HS3ST2: variants seen among roughly 807,000 people sequenced by gnomAD.
The protein encoded by HS3ST2 is heparan sulfate glucosamine 3-O-sulfotransferase 2.
Under a neutral mutation model 26.3 loss-of-function variants are expected in HS3ST2, and 17 were observed. The observed-to-expected ratio is 0.65, with a 90% CI of 0.44 to 0.97. HS3ST2 has a LOEUF of 0.97. Ranked by LOEUF, HS3ST2 falls within the 50% of genes least tolerant of loss-of-function variation. The pLI is 0.00. For synonymous variants in HS3ST2, 237 were observed against 219.2 expected, an observed-to-expected ratio of 1.08 and a Z score of -0.72; for missense variants, 402 against 501.2, an observed-to-expected ratio of 0.80 and a Z score of 1.89.
chr16:22,822,875 G>C (rs117420763), intron 1 of HS3ST2, among the ~76,000 whole-genome samples: 2 of 150,538 alleles, frequency 1.3e-5, no homozygotes, highest in African/African-American at 4.9e-5. Flanking sequence ...AAAAAAGAAA[G>C]AAAGAAAAAA....
intron 1 of HS3ST2, among the ~76,000 whole-genome samples, chr16:22,870,583 T>C (rs1194392276): frequency 6.6e-6 from 1 of 152,206 alleles, no homozygotes; most frequent in Non-Finnish European, 1.5e-5. Context: ...CCTCCCCTGC[T>C]ACTCTCTTTT....
intron 1 of HS3ST2, among the ~76,000 whole-genome samples, chr16:22,913,160 G>A (rs28516623): frequency 0.027 from 1,820 of 68,256 alleles, 50 homozygotes; most frequent in African/African-American, 0.072. Context: ...GGGAGGGAGG[G>A]AGGGAGGGAG....
At chr16:22,828,161 G>T (rs542280897) in intron 1 of HS3ST2, among the ~76,000 whole-genome samples, 1 of 152,126 alleles carries the variant, frequency 6.6e-6, no homozygotes, top group Non-Finnish European at 1.5e-5. Context: ...AGAACATTAC[G>T]TTCTACTGTA....
intron 1 of HS3ST2, among the ~76,000 whole-genome samples, chr16:22,901,069 A>G (rs932688479): frequency 2.6e-5 from 4 of 152,186 alleles, no homozygotes; most frequent in Admixed American, 6.5e-5. Flanking sequence ...GTCACGGTGC[A>G]TTACACTTTA....
At chr16:22,845,001 C>CAG (rs1901410965) in intron 1 of HS3ST2, among the ~76,000 whole-genome samples, 1 of 151,192 alleles carries the variant, frequency 6.6e-6, no homozygotes, top group African/African-American at 2.5e-5. Flanking sequence ...ATTACAGGTG[C>CAG]CTGCCACCAT....
intron 1 of HS3ST2, among the ~76,000 whole-genome samples, chr16:22,906,367 C>CTAAATAAATAAATAAA (rs55897973): frequency 0.63 from 90,135 of 143,802 alleles, 28,828 homozygotes; most frequent in African/African-American, 0.7. Flanking sequence ...GAGACTCCAT[C>CTAAATAAATAAATAAA]TAAATAAATA....
chr16:22,833,881 G>T (rs1475698103), intron 1 of HS3ST2, among the ~76,000 whole-genome samples: 3 of 151,004 alleles, frequency 2.0e-5, no homozygotes, highest in Admixed American at 1.3e-4. Flanking sequence ...GCAGATAAAA[G>T]AAAATATATA....
chr16:22,874,614 AG>A (rs1220520300), intron 1 of HS3ST2, among the ~76,000 whole-genome samples: 2 of 152,172 alleles, frequency 1.3e-5, no homozygotes, highest in Non-Finnish European at 2.9e-5. Context: ...GTCTGGAACG[AG>A]GCATTATTCA....
chr16:22,891,782 T>A (rs1347150154), intron 1 of HS3ST2, among the ~76,000 whole-genome samples: 1 of 152,052 alleles, frequency 6.6e-6, no homozygotes, highest in Non-Finnish European at 1.5e-5. Flanking sequence ...TTATGTATCA[T>A]GCAGTATATT....
At chr16:22,876,678 A>G (rs1470331536) in intron 1 of HS3ST2, among the ~76,000 whole-genome samples, 1 of 152,204 alleles carries the variant, frequency 6.6e-6, no homozygotes, top group African/African-American at 2.4e-5. Flanking sequence ...ACATTTGCAC[A>G]TGCATGTTGA....
intron 1 of HS3ST2, among the ~76,000 whole-genome samples, chr16:22,853,201 C>T (rs1479057863): frequency 1.3e-5 from 2 of 152,064 alleles, no homozygotes; most frequent in African/African-American, 4.8e-5. Flanking sequence ...TCCAGACAGT[C>T]GCTACCCCCA....
chr16:22,895,066 CTTTCTT>C (rs1356359978), intron 1 of HS3ST2, among the ~76,000 whole-genome samples: 1 of 117,772 alleles, frequency 8.5e-6, no homozygotes, highest in Non-Finnish European at 1.8e-5. Flanking sequence ...TCTTTTCTTT[CTTTCTT>C]TTTTTTTTTT....
At chr16:22,896,435 G>C (rs568471221) in intron 1 of HS3ST2, among the ~76,000 whole-genome samples, 1 of 152,302 alleles carries the variant, frequency 6.6e-6, no homozygotes, top group Admixed American at 6.5e-5. Flanking sequence ...CTCTGGGAAG[G>C]TCTCTTTAAT....
At chr16:22,868,372 G>T (rs1901785747) in intron 1 of HS3ST2, among the ~76,000 whole-genome samples, 1 of 128,902 alleles carries the variant, frequency 7.8e-6, no homozygotes, top group Non-Finnish European at 1.5e-5. Flanking sequence ...TCAGGCCACT[G>T]CACTCCAGCC....
In HS3ST2 at chr16:22,869,382, C is replaced by T. The variant is rs151145016; in HGVS notation, c.486-45562C>T. On this transcript the variant is annotated intron_variant, in intron 1 of 1. Coordinates refer to ENST00000261374, the MANE Select transcript of HS3ST2 (RefSeq NM_006043.2). The stretch of plus-strand genomic sequence containing the variant: ...GTTATTGCTAATTACTTAGCTGGCC[C>T]AAGACTCAGTTCCCTGATTTGAGAT... Among the ~76,000 whole-genome samples the T allele has an allele frequency of 7.1e-3, 1,079 of 152,258 alleles. 12 individuals are homozygous for T. Among genetic ancestry groups the T allele is most frequent in the African/African-American group, 0.024 (1,009 of 41,548 alleles).
chr16:22,881,956 ATGTT>A lies in HS3ST2; in HGVS notation c.486-32972_486-32969del, dbSNP rs376826160. 2.1e-3 allele frequency among the ~76,000 whole-genome samples: 317 copies of A among 152,258 alleles called. 2 individuals carry two copies. The highest frequency in any genetic ancestry group is 6.2e-3 in the South Asian group (30 of 4,818). On this transcript the variant is annotated intron_variant, in intron 1 of 1. Coordinates refer to ENST00000261374, the MANE Select transcript of HS3ST2 (RefSeq NM_006043.2). ...AGACACAGTTTATTTGGCTCTTATC[ATGTT>A]TGTTTGTTTGTTTGTAGCTGTTGAT...
chr16:22,874,926 G>C (rs1901892973), intron 1 of HS3ST2, among the ~76,000 whole-genome samples: 1 of 152,200 alleles, frequency 6.6e-6, no homozygotes, highest in African/African-American at 2.4e-5. Flanking sequence ...ATACAGGGAA[G>C]GGCACAGGGG....
intron 1 of HS3ST2, among the ~76,000 whole-genome samples, chr16:22,863,465 A>C (rs573947896): frequency 6.6e-6 from 1 of 152,186 alleles, no homozygotes; most frequent in African/African-American, 2.4e-5. Context: ...CAGGAGGTGC[A>C]CGTACAGGTT....
At chr16:22,851,211 C>A (rs181954589) in intron 1 of HS3ST2, among the ~76,000 whole-genome samples, 86 of 152,234 alleles carry the variant, frequency 5.6e-4, no homozygotes, top group African/African-American at 2.0e-3. Context: ...GGAATGAGAC[C>A]CCATCTCTTA....
Sources: allele counts gnomAD v4.1 joint callset (sites outside exome capture counted in the v4.1 genomes callset), GRCh38; gene constraint gnomAD v4.1.1; transcripts MANE v1.5; gene names NCBI Gene and HGNC (gene_info 2026-07-23, HGNC 2026-07-21).